UBR4: variants seen among roughly 807,000 people sequenced by gnomAD.
The protein encoded by UBR4 is E3 ubiquitin-protein ligase UBR4.
Under a neutral mutation model 575.6 loss-of-function variants are expected in UBR4, and 124 were observed. The observed-to-expected ratio is 0.22, with a 90% CI of 0.19 to 0.25. UBR4 has a LOEUF of 0.25. Ranked by LOEUF, UBR4 falls within the 10% of genes least tolerant of loss-of-function variation. The pLI is 1.00. For synonymous variants in UBR4, 2,455 were observed against 2,473.7 expected (o/e 0.99, Z 0.22); for missense variants, 4,818 against 6,478.8 (o/e 0.74, Z 8.80).
chr1:19,189,805 T>C (rs1464844851), intron 11 of UBR4, among the ~76,000 whole-genome samples: 3 of 152,156 alleles, frequency 2.0e-5, no homozygotes, highest in Admixed American at 1.3e-4. Flanking sequence ...AGAATGAAAA[T>C]GGCCACTCAT....
rs952790 is a variant in UBR4, at chr1:19,173,460, G to A, written c.3144C>T (p.Ser1048=). The stretch of plus-strand genomic sequence containing the variant: ...TTACCTTTATCCAGTTGACATAGGA[G>A]CTGATCCGGAGCCGAGAAGACCATC... ...TLRWSSRLRI[S]SYVNWIKDHL... The change falls in exon 23 of 106, where the codon AGC becomes AGT. Residue 1048 remains serine, a synonymous_variant. Transcript: ENST00000375254. 0.1 allele frequency: 166,545 copies of A among 1,613,964 alleles called. 9,693 individuals are homozygous for A. The highest frequency in any genetic ancestry group is 0.12 in the Non-Finnish European group (145,270 of 1,179,894).
At chr1:19,085,872 A>G (rs1478653375) in intron 101 of UBR4, among the ~76,000 whole-genome samples, 4 of 152,182 alleles carry the variant, frequency 2.6e-5, no homozygotes, top group Non-Finnish European at 4.4e-5. Flanking sequence ...GCAAAGGAAT[A>G]GTGAAGACCC....
At position 19,093,309 on chromosome 1, in the gene UBR4, A is replaced by T; in HGVS notation, c.14111+4T>A. 1 of 1,613,050 alleles carries T rather than the reference A, an allele frequency of 6.2e-7. No homozygotes were observed. ...AGCAGCCCCGCTGCGGGAGGGCTTC[A>T]TACTTCTTGGCGCTAGGGATGTGCT... On this transcript the variant is annotated splice_donor_region_variant and intron_variant, in intron 96 of 105. Transcript: ENST00000375254. This position sits in a 1 kb window ranked among gnomAD's most constrained non-coding sequence, Gnocchi z 4.8.
chr1:19,128,889 G>T lies in UBR4; in HGVS notation c.9003+89C>A, dbSNP rs894548034. On this transcript the variant is annotated intron_variant, in intron 61 of 105. Transcript: ENST00000375254. Reference sequence around the variant, plus strand: ...TTCTGTGGCCTAACACCAAACGAAGGCTTCCAGGTCCTCTGGAAGAGAGAT... The same window carrying T: ...TTCTGTGGCCTAACACCAAACGAAGTCTTCCAGGTCCTCTGGAAGAGAGAT... 3.4e-6 allele frequency: 4 copies of T among 1,168,954 alleles called. No homozygotes were observed. The African/African-American group carries it at 6.1e-5, about 18-fold the overall frequency. 72.4% of individuals were successfully genotyped at this position (1,168,954 alleles called of 1,614,324 possible). A position where few individuals can be genotyped will look rare whatever the true frequency, so the allele number is the denominator to read the frequency against.
intron 52 of UBR4, chr1:19,146,185 T>G: frequency 1.6e-6 from 2 of 1,216,214 alleles, no homozygotes; most frequent in Middle Eastern, 2.0e-4. Context: ...TTACCGCAGA[T>G]TCAAAGATCT....
At chr1:19,115,934 G>C (rs965714723) in intron 73 of UBR4, among the ~76,000 whole-genome samples, 5 of 152,184 alleles carry the variant, frequency 3.3e-5, no homozygotes, top group Non-Finnish European at 2.9e-5. Context: ...CCAAAAGCAT[G>C]CCACACTGAA....
At chr1:19,092,964 C>T (rs747769085) in intron 96 of UBR4, 46 bp from the exon 97 acceptor site, 11 of 1,559,616 alleles carry the variant, frequency 7.1e-6, no homozygotes, top group Non-Finnish European at 9.6e-6. Context: ...GAAGCAAAGG[C>T]TACCTAGAAA....
At chr1:19,095,706 G>A in intron 92 of UBR4, 54 bp from the exon 93 acceptor site, 3 of 1,546,632 alleles carry the variant, frequency 1.9e-6, no homozygotes, top group Non-Finnish European at 2.7e-6. Context: ...TGTAGGACAT[G>A]GGGGCCAGTA....
At chr1:19,082,109 G>A (rs891307922) in intron 102 of UBR4, 30 of 323,748 alleles carry the variant, frequency 9.3e-5, no homozygotes, top group Non-Finnish European at 1.1e-4. Flanking sequence ...TCCCTCTTCC[G>A]GTTTGTCTTC....
Position 19,117,549 on chromosome 1 carries a change from A to C in UBR4, c.10630-135T>G. 2.8e-6 allele frequency: 3 copies of C among 1,086,740 alleles called. No individual in the cohort carries two copies. Among genetic ancestry groups the C allele is most frequent in the Non-Finnish European group, 3.9e-6 (3 of 773,490 alleles). The allele number at this position is 1,086,740 out of a possible 1,614,324, so 67.3% of individuals were successfully genotyped here. A position where few individuals can be genotyped will look rare whatever the true frequency, so the allele number is the denominator to read the frequency against. Reference sequence around the variant, plus strand: ...ATTTTTTAAAAAATATTTTGTAGAGATGGGGTCTCACCATCTTGCCCAGGC... The same window carrying C: ...ATTTTTTAAAAAATATTTTGTAGAGCTGGGGTCTCACCATCTTGCCCAGGC... On this transcript the variant is annotated intron_variant, in intron 72 of 105. Transcript: ENST00000375254. The surrounding 1 kb of genome is among the most constrained non-coding windows in gnomAD (Gnocchi z 4.0).
chr1:19,152,854 G>C lies in UBR4; in HGVS notation c.6833-378C>G, dbSNP rs1261639109. 6.6e-6 allele frequency among the ~76,000 whole-genome samples: 1 copy of C among 152,178 alleles called. No homozygotes were observed. The highest frequency in any genetic ancestry group is 2.4e-5 in the African/African-American group (1 of 41,430). ...AGGTAATGTGATGATCCCTGTAATG[G>C]TCTTTGCTTAGCTGGATTTGCTCAC... On this transcript the variant is annotated intron_variant, in intron 46 of 105. Coordinates refer to ENST00000375254, the MANE Select transcript of UBR4 (RefSeq NM_020765.3). The surrounding 1 kb of genome is among the most constrained non-coding windows in gnomAD (Gnocchi z 4.4).
At chr1:19,198,119 G>GT (rs1326835938) in intron 5 of UBR4, 70 bp from the exon 6 acceptor site, 25 of 1,441,282 alleles carry the variant, frequency 1.7e-5, no homozygotes, top group Non-Finnish European at 2.4e-5. Flanking sequence ...AAAGTGAGCA[G>GT]TAGCTGCACG....
chr1:19,193,526 G>A lies in UBR4; in HGVS notation c.1050C>T (p.Leu350=), dbSNP rs765564583. Residue 350 remains leucine, a synonymous_variant, in exon 9 of 106, where the codon CTC becomes CTT. Transcript: ENST00000375254. ...GVSVATCMAI[L]HVGSAQQVRT... Reference sequence around the variant, plus strand: ...GCACTTGCTGGGCACTACCCACATGGAGGATGGCCATGCACGTTGCCACAC... The same window carrying A: ...GCACTTGCTGGGCACTACCCACATGAAGGATGGCCATGCACGTTGCCACAC... 6 of 1,614,112 alleles carry A rather than the reference G, an allele frequency of 3.7e-6. No individual in the cohort carries two copies. In the East Asian group the frequency reaches 8.9e-5, roughly 24 times the overall value.
intron 78 of UBR4, chr1:19,112,173 A>G (rs902718637): frequency 2.9e-5 from 7 of 240,728 alleles, no homozygotes; most frequent in Admixed American, 5.3e-5. Context: ...CCAGAGTCCA[A>G]GCTCTTAATC....
rs200273241 is a variant in UBR4, at chr1:19,117,778, T to C, written c.10629+45A>G. On this transcript the variant is annotated intron_variant, in intron 72 of 105. Transcript: ENST00000375254. The surrounding 1 kb of genome is among the most constrained non-coding windows in gnomAD (Gnocchi z 4.0). ...CCATCTCTGGAAACAAGAATCCCAC[T>C]GGACCTATTGGCCTCAGGACTGTCC... 6.5e-7 allele frequency: 1 copy of C among 1,548,236 alleles called. No homozygotes were observed. Among genetic ancestry groups the C allele is most frequent in the East Asian group, 2.2e-5 (1 of 44,550 alleles).
At chr1:19,147,127 C>A in intron 51 of UBR4, 127 bp from the exon 52 acceptor site, 2 of 968,426 alleles carry the variant, frequency 2.1e-6, no homozygotes, top group Non-Finnish European at 3.0e-6. Context: ...CCAATGAACA[C>A]CAATCACCTA....
intron 75 of UBR4, among the ~76,000 whole-genome samples, chr1:19,114,564 T>A (rs2274005): frequency 0.089 from 13,502 of 152,284 alleles, 923 homozygotes; most frequent in East Asian, 0.36. Context: ...AATCCAAAGT[T>A]ATCTGTACCT....
In UBR4 at chr1:19,084,597, T is replaced by C. The variant is rs2076830322; in HGVS notation, c.14915A>G (p.Gln4972Arg). 6.2e-7 allele frequency: 1 copy of C among 1,614,142 alleles called. No homozygotes were observed. Among genetic ancestry groups the C allele is most frequent in the African/African-American group, 1.3e-5 (1 of 74,952 alleles). ...KLLFLRFAME[Q>R]SFSADTGGGG... Reference sequence around the variant, plus strand: ...CCCGCCAGTGTCTGCGCTGAACGACTGCTCCATGGCGAAGCGCAGGAAGAG... The same window carrying C: ...CCCGCCAGTGTCTGCGCTGAACGACCGCTCCATGGCGAAGCGCAGGAAGAG... The change falls in exon 102 of 106, where the codon CAG (glutamine) becomes CGG (arginine). Residue 4972 changes from glutamine to arginine, a missense_variant. Gln to Arg is a conservative substitution (Grantham distance 43). Transcript: ENST00000375254.
chr1:19,197,603 G>C (rs2092538951), intron 7 of UBR4, 67 bp downstream of exon 7: 1 of 1,580,246 alleles, frequency 6.3e-7, no homozygotes, highest in East Asian at 2.2e-5. Context: ...CTCCAGCCTG[G>C]GTGACAGAAC....
Sources: gnomAD v4.1 joint callset for allele counts (sites outside exome capture counted in the v4.1 genomes callset) on GRCh38, gnomAD v4.1.1 for gene constraint, Gnocchi (gnomAD v3.1) non-coding constraint, MANE v1.5 for transcripts, NCBI Gene and HGNC (gene_info 2026-07-23, HGNC 2026-07-21) for gene names.